UGT1A5: variants seen among roughly 807,000 people sequenced by gnomAD.
The protein encoded by UGT1A5 is UDP glucuronosyltransferase family 1 member A5.
Under a neutral mutation model 40.3 loss-of-function variants are expected in UGT1A5, and 29 were observed. The ratio of observed to expected loss-of-function variants is 0.72; its 90% CI spans 0.54 to 0.98. UGT1A5 has a LOEUF of 0.98. Among genes scored for constraint, UGT1A5 ranks in the 50% least tolerant of loss-of-function variants. The pLI, the probability that UGT1A5 is intolerant of heterozygous loss-of-function variation, is 0.00. For synonymous variants in UGT1A5, 257 were observed against 262.5 expected, an observed-to-expected ratio of 0.98 and a Z score of 0.20; for missense variants, 678 against 677.9, an observed-to-expected ratio of 1.00 and a Z score of 0.00.
chr2:233,716,275 C>T (rs1026616764), intron 1 of UGT1A5, among the ~76,000 whole-genome samples: 2 of 152,138 alleles, frequency 1.3e-5, no homozygotes, highest in African/African-American at 2.4e-5. Flanking sequence ...ATGTCAAAAC[C>T]CTTAATATAA....
chr2:233,756,907 T>G (rs1416873228), intron 1 of UGT1A5, among the ~76,000 whole-genome samples: 2 of 152,072 alleles, frequency 1.3e-5, no homozygotes, highest in Admixed American at 6.5e-5. Flanking sequence ...CAGAACAAAC[T>G]TCTGAGTTTA....
chr2:233,738,962 C>A (rs2125819813), intron 1 of UGT1A5: 1 of 152,334 alleles, frequency 6.6e-6, no homozygotes, highest in Admixed American at 6.5e-5. Flanking sequence ...GGGTCCAGGC[C>A]CCCACTGCTG....
intron 2 of UGT1A5, 126 bp from the exon 3 acceptor site, chr2:233,767,723 C>T: frequency 1.3e-6 from 2 of 1,549,102 alleles, no homozygotes; most frequent in Non-Finnish European, 1.7e-6. Context: ...TTCACAGTTA[C>T]TGATCCTCCC....
chr2:233,739,300 G>T (rs1406642019), intron 1 of UGT1A5, among the ~76,000 whole-genome samples: 2 of 152,210 alleles, frequency 1.3e-5, no homozygotes, highest in African/African-American at 2.4e-5. Flanking sequence ...CTGGGGCACT[G>T]CCTAGTGGAG....
chr2:233,767,130 G>A lies in UGT1A5; in HGVS notation c.964G>A (p.Ala322Thr). The A allele has an allele frequency of 6.2e-7, 1 of 1,614,080 alleles. No individual in the cohort carries two copies. The highest frequency in any genetic ancestry group is 8.5e-7 in the Non-Finnish European group (1 of 1,180,012). The change falls in exon 2 of 5, where the codon GCA (alanine) becomes ACA (threonine). Residue 322 changes from alanine (A) to threonine (T), a missense_variant. Ala to Thr is a moderately conservative substitution (Grantham distance 58). Coordinates refer to ENST00000373414, the MANE Select transcript of UGT1A5 (RefSeq NM_019078.2). ...VSEIPEKKAM[A>T]IADALGKIPQ... ...AGAAATTCCAGAGAAGAAAGCTATGGCAATTGCTGATGCTTTGGGCAAAAT... is the reference window on the plus strand; with the variant it reads ...AGAAATTCCAGAGAAGAAAGCTATGACAATTGCTGATGCTTTGGGCAAAAT...
intron 3 of UGT1A5, 132 bp downstream of exon 3, chr2:233,768,068 A>C: frequency 6.3e-7 from 1 of 1,596,810 alleles, no homozygotes; most frequent in African/African-American, 1.3e-5. Flanking sequence ...CTTTTTATCT[A>C]GTGGGGTATC....
chr2:233,772,713 T>G lies in UGT1A5; in HGVS notation c.*154T>G. ...GAGTGCTTTAAAAAATTCTCTTAAA[T>G]AAAAATAATAGACTCGCTAGTCAGT... On this transcript the variant is annotated 3_prime_UTR_variant, in exon 5 of 5. Transcript: ENST00000373414. The G allele has an allele frequency of 6.8e-7, 1 of 1,465,268 alleles. No individual in the cohort carries two copies. Among genetic ancestry groups the G allele is most frequent in the Non-Finnish European group, 9.0e-7 (1 of 1,113,920 alleles). 90.8% of individuals were successfully genotyped at this position (1,465,268 alleles called of 1,614,324 possible).
At chr2:233,738,407 A>T (rs568263428) in intron 1 of UGT1A5, among the ~76,000 whole-genome samples, 3 of 152,352 alleles carry the variant, frequency 2.0e-5, no homozygotes, top group African/African-American at 7.2e-5. Context: ...GAACTGGGTA[A>T]CAGGCAGAGG....
intron 1 of UGT1A5, among the ~76,000 whole-genome samples, chr2:233,757,055 C>T (rs1475700124): frequency 1.3e-5 from 2 of 151,398 alleles, no homozygotes; most frequent in African/African-American, 2.4e-5. Flanking sequence ...GTTTGGGGAA[C>T]AGCAAGGGAT....
At chr2:233,727,115 G>A (rs1162541205) in intron 1 of UGT1A5, among the ~76,000 whole-genome samples, 1 of 152,220 alleles carries the variant, frequency 6.6e-6, no homozygotes, top group Non-Finnish European at 1.5e-5. Context: ...TTAGGTCTGT[G>A]AGATTGGCAG....
intron 1 of UGT1A5, chr2:233,743,571 C>T: frequency 7.3e-7 from 1 of 1,367,316 alleles, no homozygotes; most frequent in African/African-American, 1.5e-5. Flanking sequence ...AGCGGGTTTC[C>T]CAAGAGGTCA....
In UGT1A5 at chr2:233,771,027, G is replaced by C. The variant is rs186703216; in HGVS notation, c.1308-1235G>C. On this transcript the variant is annotated intron_variant, in intron 4 of 4. Transcript: ENST00000373414. ...CAAAAGCAGGAGCGAGAGAGAGTTG[G>C]GGGGGAAGGTGCCACACACTTTTTA... is the stretch of plus-strand genomic sequence containing the variant. The C allele has an allele frequency of 5.9e-5, 9 of 152,196 alleles. No homozygotes were observed. The East Asian group carries it at 1.4e-3, about 23-fold the overall frequency. The allele number at this position is 152,196 out of a possible 1,614,324, so 9.4% of individuals were successfully genotyped here. A position where few individuals can be genotyped will look rare whatever the true frequency, so the allele number is the denominator to read the frequency against.
intron 1 of UGT1A5, among the ~76,000 whole-genome samples, chr2:233,730,665 G>A (rs752963850): frequency 1.3e-5 from 2 of 152,252 alleles, no homozygotes; most frequent in African/African-American, 4.8e-5. Flanking sequence ...AGTTCGGAAG[G>A]CAAAGTAATG....
At chr2:233,764,567 G>A (rs1310538826) in intron 1 of UGT1A5, among the ~76,000 whole-genome samples, 3 of 152,182 alleles carry the variant, frequency 2.0e-5, no homozygotes, top group Admixed American at 6.5e-5. Context: ...GCCTGGAGGA[G>A]AACTTAGACT....
chr2:233,727,152 CTT>C (rs2077588377), intron 1 of UGT1A5, among the ~76,000 whole-genome samples: 1 of 152,188 alleles, frequency 6.6e-6, no homozygotes, highest in South Asian at 2.1e-4. Context: ...ACAGGTCAGT[CTT>C]TCAGGATGCT....
At chr2:233,735,564 G>A (rs550679567) in intron 1 of UGT1A5, among the ~76,000 whole-genome samples, 59 of 152,124 alleles carry the variant, frequency 3.9e-4, no homozygotes, top group African/African-American at 1.3e-3. Flanking sequence ...TGGTGTTATC[G>A]GGTTATTTTG....
chr2:233,759,712 G>A (rs2125976216), intron 1 of UGT1A5, among the ~76,000 whole-genome samples: 1 of 151,632 alleles, frequency 6.6e-6, no homozygotes, highest in African/African-American at 2.4e-5. Flanking sequence ...GCGTGCTCGT[G>A]TGGTGGGCTC....
At chr2:233,724,341 C>T (rs1350319143) in intron 1 of UGT1A5, among the ~76,000 whole-genome samples, 3 of 121,020 alleles carry the variant, frequency 2.5e-5, no homozygotes, top group South Asian at 3.0e-4. Flanking sequence ...GGGGGGCTGA[C>T]CCCCCCCACC....
intron 1 of UGT1A5, chr2:233,754,939 A>G: frequency 7.5e-7 from 1 of 1,337,054 alleles, no homozygotes; most frequent in Non-Finnish European, 1.0e-6. Context: ...AGGTCAAAGG[A>G]GAATGGGTCC....
Sources: gnomAD v4.1 joint callset for allele counts (sites outside exome capture counted in the v4.1 genomes callset) on GRCh38, gnomAD v4.1.1 for gene constraint, MANE v1.5 for transcripts, NCBI Gene and HGNC (gene_info 2026-07-23, HGNC 2026-07-21) for gene names.